Variants in OXR1 observed in about 807,000 individuals in gnomAD.
The protein encoded by OXR1 is oxidation resistance 1.
In OXR1, 41 loss-of-function variants were observed where a neutral mutation model predicts 104.6. The ratio of observed to expected loss-of-function variants is 0.39; its 90% CI spans 0.31 to 0.51. OXR1 has a LOEUF of 0.51. Among genes scored for constraint, OXR1 ranks in the 20% least tolerant of loss-of-function variants. The probability of loss-of-function intolerance (pLI) is 0.77; values close to 1 mark genes in which losing one functional copy is unlikely to be tolerated. For missense variants in OXR1, 955 were observed against 1,031.9 expected (o/e 0.93, Z 1.02); for synonymous variants, 348 against 348.4 (o/e 1.00, Z 0.01).
intron 1 of OXR1, among the ~76,000 whole-genome samples, chr8:106,332,701 A>G (rs1007385323): frequency 1.3e-5 from 2 of 152,208 alleles, no homozygotes; most frequent in Non-Finnish European, 2.9e-5. Flanking sequence ...AAAGCTCTGT[A>G]ACCATCACCA....
At chr8:106,453,279 C>G (rs1435354810) in intron 2 of OXR1, among the ~76,000 whole-genome samples, 1 of 152,176 alleles carries the variant, frequency 6.6e-6, no homozygotes, top group Non-Finnish European at 1.5e-5. Flanking sequence ...TTTGTATTCC[C>G]TGGGCTTAGC....
At chr8:106,666,401 G>A (rs1190906864) in intron 3 of OXR1, among the ~76,000 whole-genome samples, 1 of 152,134 alleles carries the variant, frequency 6.6e-6, no homozygotes, top group Admixed American at 6.5e-5. Flanking sequence ...ATTGGATTCA[G>A]GATTCTGTAT....
chr8:106,484,235 A>G (rs76053796), intron 2 of OXR1, among the ~76,000 whole-genome samples: 8,166 of 151,896 alleles, frequency 0.054, 293 homozygotes, highest in African/African-American at 0.091. Flanking sequence ...AAGTATAAGG[A>G]AAAAATAGGA....
chr8:106,717,541 C>G (rs1832386145), intron 11 of OXR1, among the ~76,000 whole-genome samples: 1 of 152,032 alleles, frequency 6.6e-6, no homozygotes, highest in Admixed American at 6.5e-5. Context: ...TATTGCTAGC[C>G]AGAAATGTAT....
chr8:106,450,687 A>G (rs187335454), intron 2 of OXR1, among the ~76,000 whole-genome samples: 20 of 152,202 alleles, frequency 1.3e-4, no homozygotes, highest in Non-Finnish European at 1.0e-4. Flanking sequence ...AAAGCCACCT[A>G]AGTATCTCTT....
At chr8:106,457,832 G>A (rs968028646) in intron 2 of OXR1, among the ~76,000 whole-genome samples, 11 of 152,178 alleles carry the variant, frequency 7.2e-5, no homozygotes, top group African/African-American at 2.4e-4. Flanking sequence ...AATTGTGTCC[G>A]TGCCTGAGGA....
intron 3 of OXR1, among the ~76,000 whole-genome samples, chr8:106,616,723 G>A (rs1003613810): frequency 1.3e-4 from 20 of 152,090 alleles, no homozygotes; most frequent in Admixed American, 1.0e-3. Flanking sequence ...GTGAACTGGT[G>A]GCACCATGAA....
intron 1 of OXR1, among the ~76,000 whole-genome samples, chr8:106,276,710 A>T (rs146033758): frequency 6.9e-4 from 104 of 149,896 alleles, no homozygotes; most frequent in African/African-American, 2.3e-3. Context: ...ACCGATATTT[A>T]GCTCAAGAGC....
At chr8:106,602,985 A>C (rs1433799987) in intron 3 of OXR1, among the ~76,000 whole-genome samples, 1 of 152,144 alleles carries the variant, frequency 6.6e-6, no homozygotes, top group Non-Finnish European at 1.5e-5. Flanking sequence ...ATTCCTCATA[A>C]TGGTATATAA....
chr8:106,588,538 A>G (rs1033229262), intron 3 of OXR1, among the ~76,000 whole-genome samples: 8 of 150,902 alleles, frequency 5.3e-5, no homozygotes, highest in African/African-American at 2.0e-4. Context: ...CCCAGGCTAG[A>G]GTGCAGTGGC....
intron 2 of OXR1, among the ~76,000 whole-genome samples, chr8:106,403,251 A>G (rs145807944): frequency 1.9e-4 from 29 of 152,330 alleles, no homozygotes; most frequent in African/African-American, 6.3e-4. Context: ...GAGAAACATC[A>G]TGATCAACTA....
chr8:106,401,946 A>G (rs1818020386), intron 2 of OXR1, among the ~76,000 whole-genome samples: 1 of 152,182 alleles, frequency 6.6e-6, no homozygotes, highest in African/African-American at 2.4e-5. Context: ...GAGAGTTGAT[A>G]TATCTCTGAA....
chr8:106,471,637 C>G (rs1821498276), intron 2 of OXR1, among the ~76,000 whole-genome samples: 1 of 151,668 alleles, frequency 6.6e-6, no homozygotes, highest in Admixed American at 6.6e-5. Context: ...TTCCCATGTT[C>G]AAGGATCTCA....
chr8:106,354,989 G>A (rs1815903434), intron 1 of OXR1, among the ~76,000 whole-genome samples: 1 of 151,710 alleles, frequency 6.6e-6, no homozygotes, highest in South Asian at 2.1e-4. Flanking sequence ...TTGTATTCAA[G>A]GACTCTTCAC....
At chr8:106,679,077 C>T (rs1827888948) in intron 3 of OXR1, 133 bp from the exon 4 acceptor site, 1 of 470,354 alleles carries the variant, frequency 2.1e-6, no homozygotes, top group Non-Finnish European at 3.8e-6. Flanking sequence ...TTGATTTTTA[C>T]AGCAGAGCAT....
intron 2 of OXR1, among the ~76,000 whole-genome samples, chr8:106,382,676 C>G (rs1817196576): frequency 1.6e-5 from 2 of 125,472 alleles, no homozygotes; most frequent in South Asian, 2.8e-4. Flanking sequence ...GGTCTGAGAA[C>G]TATAGGTTTT....
At chr8:106,434,543 A>G (rs1819496266) in intron 2 of OXR1, among the ~76,000 whole-genome samples, 1 of 152,194 alleles carries the variant, frequency 6.6e-6, no homozygotes, top group South Asian at 2.1e-4. Context: ...TGAAGCTATG[A>G]ATGTCACTAA....
chr8:106,401,636 C>A (rs1818006608), intron 2 of OXR1, among the ~76,000 whole-genome samples: 1 of 152,130 alleles, frequency 6.6e-6, no homozygotes, highest in Non-Finnish European at 1.5e-5. Flanking sequence ...AGCCAAGAGA[C>A]CTCTTTTTTG....
intron 2 of OXR1, among the ~76,000 whole-genome samples, chr8:106,362,831 A>G (rs1306237537): frequency 6.6e-6 from 1 of 152,210 alleles, no homozygotes; most frequent in Non-Finnish European, 1.5e-5. Flanking sequence ...ACTGGTCAGC[A>G]TATGTACAGT....
Sources: allele counts gnomAD v4.1 joint callset (sites outside exome capture counted in the v4.1 genomes callset), GRCh38; gene constraint gnomAD v4.1.1; transcripts MANE v1.5; gene names NCBI Gene and HGNC (gene_info 2026-07-23, HGNC 2026-07-21).